The following ATP9B variants were observed in gnomAD, a reference collection of about 807,000 sequenced individuals.
ATP9B encodes probable phospholipid-transporting ATPase IIB.
A neutral mutation model predicts 146.1 loss-of-function variants in ATP9B; 110 were observed. That is an observed-to-expected ratio of 0.75 (90% confidence interval 0.65 to 0.88). The LOEUF (loss-of-function observed/expected upper bound fraction) is 0.88, where lower values mean the gene tolerates loss of function less well. Ranked by LOEUF, ATP9B falls within the 40% of genes least tolerant of loss-of-function variation. The pLI is 0.00. For synonymous variants in ATP9B, 604 were observed against 569.7 expected, an observed-to-expected ratio of 1.06 and a Z score of -0.86; for missense variants, 1,499 against 1,496.4, an observed-to-expected ratio of 1.00 and a Z score of -0.03.
At chr18:79,302,625 T>C (rs2096598470) in intron 13 of ATP9B, among the ~76,000 whole-genome samples, 1 of 152,232 alleles carries the variant, frequency 6.6e-6, no homozygotes, top group Non-Finnish European at 1.5e-5. Flanking sequence ...TGTCACCTAA[T>C]ACATGGCCCA....
intron 1 of ATP9B, among the ~76,000 whole-genome samples, chr18:79,073,500 C>T (rs1307821363): frequency 2.6e-5 from 4 of 152,198 alleles, no homozygotes; most frequent in African/African-American, 4.8e-5. Context: ...TGGCGGCGCG[C>T]GCCTGCAATC....
intron 11 of ATP9B, among the ~76,000 whole-genome samples, chr18:79,244,316 A>G (rs952079845): frequency 6.6e-6 from 1 of 151,936 alleles, no homozygotes; most frequent in Non-Finnish European, 1.5e-5. Context: ...GGTCCCATCT[A>G]TTTTTCTCTT....
At chr18:79,322,307 G>A (rs1253322065) in intron 15 of ATP9B, among the ~76,000 whole-genome samples, 1 of 152,176 alleles carries the variant, frequency 6.6e-6, no homozygotes, top group Non-Finnish European at 1.5e-5. Context: ...TCCATAGAAC[G>A]GCAGTGCCGT....
At chr18:79,248,746 AT>A (rs2095993908) in intron 11 of ATP9B, among the ~76,000 whole-genome samples, 1 of 152,248 alleles carries the variant, frequency 6.6e-6, no homozygotes, top group Non-Finnish European at 1.5e-5. Flanking sequence ...AAGAGTTTAA[AT>A]TGGCTATTTG....
intron 1 of ATP9B, among the ~76,000 whole-genome samples, chr18:79,087,888 T>C (rs894744243): frequency 1.3e-5 from 2 of 152,228 alleles, no homozygotes; most frequent in African/African-American, 2.4e-5. Context: ...TAATTGTTTT[T>C]ACTCATTTTA....
At chr18:79,225,389 C>T (rs2095718768) in intron 11 of ATP9B, among the ~76,000 whole-genome samples, 1 of 152,202 alleles carries the variant, frequency 6.6e-6, no homozygotes, top group Admixed American at 6.5e-5. Flanking sequence ...TAAAATATAT[C>T]ATCTAAGAGT....
In ATP9B at chr18:79,377,452, A is replaced by G; in HGVS notation, c.*69A>G. 1 of 1,560,928 alleles carries G rather than the reference A, an allele frequency of 6.4e-7. No homozygotes were observed. The highest frequency in any genetic ancestry group is 8.7e-7 in the Non-Finnish European group (1 of 1,153,450). ...CTTCCCAGCACCTTGTGCCCTTGCC[A>G]GTGAACGCAGGGTTTGCCATTGCTA... On this transcript the variant is annotated 3_prime_UTR_variant, in exon 30 of 30. Coordinates refer to ENST00000426216, the MANE Select transcript of ATP9B (RefSeq NM_198531.5).
chr18:79,192,823 G>T (rs951982094), intron 8 of ATP9B, among the ~76,000 whole-genome samples: 1 of 152,094 alleles, frequency 6.6e-6, no homozygotes, highest in Non-Finnish European at 1.5e-5. Flanking sequence ...GAGGAATTGC[G>T]ATGGTTCCTT....
chr18:79,310,786 G>GT (rs2096648204), intron 15 of ATP9B, among the ~76,000 whole-genome samples: 2 of 143,096 alleles, frequency 1.4e-5, no homozygotes, highest in South Asian at 2.6e-4. Context: ...GACTTCCAGG[G>GT]GTTTTTTTTT....
Position 79,187,316 on chromosome 18 carries a change from A to T in ATP9B, c.874-5867A>T, listed in dbSNP as rs2095316620. Among the ~76,000 whole-genome samples, 3 of 152,302 alleles carry T rather than the reference A, an allele frequency of 2.0e-5. No individual in the cohort carries two copies. The South Asian group carries it at 6.2e-4, about 32-fold the overall frequency. On this transcript the variant is annotated intron_variant, in intron 8 of 29. Coordinates refer to ENST00000426216, the MANE Select transcript of ATP9B (RefSeq NM_198531.5). Reference sequence around the variant, plus strand: ...TGGGTGGTCAAAGGGTGATAGGGCAACTTTGTCATCTCTGATACGTGGGTT... The same window carrying T: ...TGGGTGGTCAAAGGGTGATAGGGCATCTTTGTCATCTCTGATACGTGGGTT...
rs1399436337 is a variant in ATP9B, at chr18:79,126,255, TTTG to T, written c.559-9_559-7del. 6.3e-7 allele frequency: 1 copy of T among 1,581,630 alleles called. No individual in the cohort carries two copies. Among genetic ancestry groups the T allele is most frequent in the Non-Finnish European group, 8.6e-7 (1 of 1,162,408 alleles). ...GTTTAGTTTTCTAAAAATACCTTAT[TTTG>T]TTTTATAGGGATTTGTCTTGGCTGT... is the stretch of plus-strand genomic sequence containing the variant. On this transcript the variant is annotated splice_polypyrimidine_tract_variant and intron_variant, in intron 4 of 29. Transcript: ENST00000426216.
intron 26 of ATP9B, among the ~76,000 whole-genome samples, chr18:79,365,724 G>C (rs902956537): frequency 1.3e-5 from 2 of 150,094 alleles, no homozygotes; most frequent in African/African-American, 4.9e-5. Context: ...CTCTGTGGAC[G>C]GGGACAGCCC....
chr18:79,252,204 T>C (rs1007497206), intron 11 of ATP9B, among the ~76,000 whole-genome samples: 6 of 152,206 alleles, frequency 3.9e-5, no homozygotes, highest in Admixed American at 1.3e-4. Context: ...GTAGGAACCG[T>C]GGCCACTGTG....
At chr18:79,372,000 T>TG (rs2097073960) in intron 26 of ATP9B, among the ~76,000 whole-genome samples, 2 of 152,252 alleles carry the variant, frequency 1.3e-5, no homozygotes, top group African/African-American at 4.8e-5. Flanking sequence ...AGAAAATAGA[T>TG]GCGAAGGTGT....
intron 9 of ATP9B, among the ~76,000 whole-genome samples, chr18:79,202,255 A>G (rs539752181): frequency 2.1e-4 from 32 of 152,332 alleles, no homozygotes; most frequent in African/African-American, 7.7e-4. Context: ...TGAATGATTG[A>G]TATCGCTAAT....
At position 79,344,096 on chromosome 18, in the gene ATP9B, T is replaced by C. The variant is rs112667109; in HGVS notation, c.2383-169T>C. The C allele has an allele frequency of 5.3e-3, 3,489 of 654,294 alleles. 18 individuals carry two copies. The highest frequency in any genetic ancestry group is 0.023 in the African/African-American group (1,279 of 55,146). The allele number at this position is 654,294 out of a possible 1,614,324, so 40.5% of individuals were successfully genotyped here. ...AGTGGATAGACACACCCAGCACTGCTGGAGGAATTGGAAAGGACCTTCTTC... is the reference window on the plus strand; with the variant it reads ...AGTGGATAGACACACCCAGCACTGCCGGAGGAATTGGAAAGGACCTTCTTC... On this transcript the variant is annotated intron_variant, in intron 20 of 29. Transcript: ENST00000426216.
intron 12 of ATP9B, among the ~76,000 whole-genome samples, chr18:79,273,096 C>T (rs1401507799): frequency 6.6e-6 from 1 of 152,196 alleles, no homozygotes; most frequent in African/African-American, 2.4e-5. Context: ...AGAAACTTTC[C>T]ACGCTGAGGA....
chr18:79,078,182 G>A lies in ATP9B; in HGVS notation c.119+8653G>A, dbSNP rs564856634. 9 of 152,352 alleles carry A rather than the reference G, an allele frequency of 5.9e-5. No individual in the cohort carries two copies. In the South Asian group the frequency reaches 1.7e-3, roughly 28 times the overall value. The allele number at this position is 152,352 out of a possible 1,614,324, so 9.4% of individuals were successfully genotyped here. On this transcript the variant is annotated intron_variant, in intron 1 of 29. Transcript: ENST00000426216. The stretch of plus-strand genomic sequence containing the variant: ...GGTGAGGCTATTTGCTTTTTCTGTC[G>A]TCTTTGGATGGGATATAGCAATTAC...
chr18:79,129,705 T>G (rs1330943870), intron 5 of ATP9B, among the ~76,000 whole-genome samples: 2 of 152,024 alleles, frequency 1.3e-5, no homozygotes, highest in East Asian at 3.8e-4. Flanking sequence ...AATAGCTAAT[T>G]TCCAGAATTA....
Sources: gnomAD v4.1 joint callset for allele counts (sites outside exome capture counted in the v4.1 genomes callset) on GRCh38, gnomAD v4.1.1 for gene constraint, MANE v1.5 for transcripts, NCBI Gene and HGNC (gene_info 2026-07-23, HGNC 2026-07-21) for gene names.